The following EPHA4 variants were observed in gnomAD, a reference collection of about 807,000 sequenced individuals.
EPHA4 encodes ephrin type-A receptor 4.
EPHA4 carries 19 observed loss-of-function variants against 108.3 expected under a neutral mutation model. That is an observed-to-expected ratio of 0.18 (90% CI 0.12 to 0.26). EPHA4 has a LOEUF of 0.26. EPHA4 is among the 10% of genes least tolerant of loss of function. The pLI is 1.00. For synonymous variants in EPHA4, 449 were observed against 455.5 expected, an observed-to-expected ratio of 0.99 and a Z score of 0.18; for missense variants, 917 against 1,254.0, an observed-to-expected ratio of 0.73 and a Z score of 4.06.
At chr2:221,520,708 A>G (rs774935125) in intron 3 of EPHA4, among the ~76,000 whole-genome samples, 14 of 152,176 alleles carry the variant, frequency 9.2e-5, no homozygotes, top group African/African-American at 2.4e-4. Flanking sequence ...CTCTTCCCCC[A>G]CATCCTATTT....
At chr2:221,524,688 C>T (rs946684439) in intron 3 of EPHA4, among the ~76,000 whole-genome samples, 4 of 152,176 alleles carry the variant, frequency 2.6e-5, no homozygotes, top group South Asian at 2.1e-4. Context: ...TATGCTTTAA[C>T]GGCTTGACTT....
At chr2:221,447,817 CT>C (rs1434254294) in intron 8 of EPHA4, among the ~76,000 whole-genome samples, 1 of 82,528 alleles carries the variant, frequency 1.2e-5, no homozygotes, top group Non-Finnish European at 2.5e-5. Flanking sequence ...TTCAAAGGGT[CT>C]ATTTTTATTT....
intron 17 of EPHA4, among the ~76,000 whole-genome samples, chr2:221,422,873 A>C (rs1416498812): frequency 1.3e-5 from 2 of 152,218 alleles, no homozygotes; most frequent in Non-Finnish European, 2.9e-5. Flanking sequence ...CAAAACAATA[A>C]TTTTATAAAT....
chr2:221,493,603 C>T (rs1692217399), intron 4 of EPHA4, among the ~76,000 whole-genome samples: 1 of 152,180 alleles, frequency 6.6e-6, no homozygotes, highest in South Asian at 2.1e-4. Flanking sequence ...CCGAAGATTG[C>T]TCATCATTTC....
Position 221,425,824 on chromosome 2 carries a change from C to A in EPHA4, c.*204G>T, listed in dbSNP as rs1473901516. 3.5e-6 allele frequency: 2 copies of A among 568,730 alleles called. No homozygotes were observed. Among genetic ancestry groups the A allele is most frequent in the African/African-American group, 3.8e-5 (2 of 53,066 alleles). The allele number at this position is 568,730 out of a possible 1,614,324, so 35.2% of individuals were successfully genotyped here. On this transcript the variant is annotated 3_prime_UTR_variant, in exon 17 of 18. Coordinates refer to ENST00000281821, the MANE Select transcript of EPHA4 (RefSeq NM_004438.5). ...TTCTGAGAAACGATTTGTTCCAGGT[C>A]TCATTCAAATGACCGGCAGTCATTT...
chr2:221,427,674 C>T (rs995211002), intron 15 of EPHA4, among the ~76,000 whole-genome samples: 7 of 152,104 alleles, frequency 4.6e-5, no homozygotes, highest in Non-Finnish European at 7.4e-5. Context: ...TGATTTTCAA[C>T]GTGATACTAT....
At chr2:221,460,129 A>G (rs184955330) in intron 5 of EPHA4, among the ~76,000 whole-genome samples, 5 of 152,342 alleles carry the variant, frequency 3.3e-5, no homozygotes, top group Admixed American at 3.3e-4. Context: ...AGTTAGCAAT[A>G]TAATCACGTT....
intron 3 of EPHA4, among the ~76,000 whole-genome samples, chr2:221,542,419 C>T (rs1397702065): frequency 1.3e-5 from 2 of 152,126 alleles, no homozygotes; most frequent in African/African-American, 4.8e-5. Flanking sequence ...ATTGATTACA[C>T]AGCAATCAAT....
intron 3 of EPHA4, among the ~76,000 whole-genome samples, chr2:221,517,187 G>A (rs1402224001): frequency 6.6e-6 from 1 of 152,104 alleles, no homozygotes; most frequent in African/African-American, 2.4e-5. Flanking sequence ...GGTTCATAGG[G>A]GATCTCAATT....
At chr2:221,560,081 GTC>G (rs937866505) in intron 3 of EPHA4, among the ~76,000 whole-genome samples, 5 of 152,170 alleles carry the variant, frequency 3.3e-5, no homozygotes, top group Non-Finnish European at 7.3e-5. Context: ...CAGGGTTAGA[GTC>G]AAACAACAGC....
At chr2:221,530,382 G>A (rs1472053538) in intron 3 of EPHA4, among the ~76,000 whole-genome samples, 2 of 152,198 alleles carry the variant, frequency 1.3e-5, no homozygotes, top group East Asian at 1.9e-4. Context: ...AGTCATGTTC[G>A]GCATTAACCA....
intron 1 of EPHA4, 30 bp from the exon 2 acceptor site, chr2:221,568,815 T>C (rs959167712): frequency 1.3e-6 from 2 of 1,593,432 alleles, no homozygotes; most frequent in Non-Finnish European, 1.7e-6. Context: ...AATAGATGAA[T>C]TTCCAATTGC....
chr2:221,481,462 C>A (rs1464526997), intron 5 of EPHA4, among the ~76,000 whole-genome samples: 1 of 151,780 alleles, frequency 6.6e-6, no homozygotes, highest in Admixed American at 6.6e-5. Flanking sequence ...CCAGCCTGGT[C>A]AATATGGTGA....
At chr2:221,427,585 G>T (rs1689949096) in intron 15 of EPHA4, among the ~76,000 whole-genome samples, 1 of 152,026 alleles carries the variant, frequency 6.6e-6, no homozygotes, top group Non-Finnish European at 1.5e-5. Context: ...GAAAAATACT[G>T]CTACTTGTTA....
upstream of EPHA4, chr2:221,572,578 C>T (rs951269532): frequency 2.3e-4 from 46 of 200,080 alleles, 1 homozygote; most frequent in Admixed American, 6.1e-5. Context: ...GAAGGTCGAG[C>T]CCCTGGACGG....
chr2:221,525,529 G>A (rs1422428488), intron 3 of EPHA4, among the ~76,000 whole-genome samples: 2 of 152,174 alleles, frequency 1.3e-5, no homozygotes, highest in African/African-American at 4.8e-5. Context: ...CGACTCAGTG[G>A]TTAGACACAG....
chr2:221,429,892 G>A, intron 15 of EPHA4, 66 bp downstream of exon 15: 1 of 1,563,328 alleles, frequency 6.4e-7, no homozygotes, highest in Non-Finnish European at 8.7e-7. Context: ...ATTTAAGTGA[G>A]TCACCACTTG....
intron 8 of EPHA4, among the ~76,000 whole-genome samples, chr2:221,454,488 GACT>G: frequency 6.6e-6 from 1 of 152,280 alleles, no homozygotes; most frequent in Non-Finnish European, 1.5e-5. Context: ...TCTTTCCTAG[GACT>G]ACTTCCCTCT....
chr2:221,549,040 G>A (rs1694085268), intron 3 of EPHA4, among the ~76,000 whole-genome samples: 1 of 152,142 alleles, frequency 6.6e-6, no homozygotes, highest in Non-Finnish European at 1.5e-5. Context: ...TTCACTGAAT[G>A]AAGAATCATC....
Sources: gnomAD v4.1 joint callset for allele counts (sites outside exome capture counted in the v4.1 genomes callset) on GRCh38, gnomAD v4.1.1 for gene constraint, MANE v1.5 for transcripts, NCBI Gene and HGNC (gene_info 2026-07-23, HGNC 2026-07-21) for gene names.